The following SERPINB12 variants were observed in gnomAD, a reference collection of about 807,000 sequenced individuals.
The protein encoded by SERPINB12 is serpin B12.
In SERPINB12, 57 loss-of-function variants were observed where a neutral mutation model predicts 41.1. That is an observed-to-expected ratio of 1.39 (90% CI 1.12 to 1.73). SERPINB12 has a LOEUF of 1.73. Among genes scored for constraint, SERPINB12 ranks in the 40% most tolerant of loss-of-function variants. The pLI is 0.00. For synonymous variants in SERPINB12, 180 were observed against 181.3 expected, an observed-to-expected ratio of 0.99 and a Z score of 0.06; for missense variants, 536 against 501.9, an observed-to-expected ratio of 1.07 and a Z score of -0.65.
Position 63,556,218 on chromosome 18 carries a change from G to A in SERPINB12, c.59G>A (p.Gly20Asp). ...KFCFDLFQEI[G>D]KDDRHKNIFF... ...TGCTTTGATCTTTTTCAAGAGATAG[G>A]CAAAGATGATCGTCATAAAAACATA... Residue 20 changes from glycine (G) to aspartate (D), a missense_variant, in exon 2 of 8, where the codon GGC becomes GAC. Physicochemically the swap from Gly to Asp is moderately conservative, Grantham distance 94. Coordinates refer to ENST00000382768, the MANE Select transcript of SERPINB12 (RefSeq NM_001307928.2). 6.2e-7 allele frequency: 1 copy of A among 1,613,932 alleles called. No individual in the cohort carries two copies.
intron 2 of SERPINB12, 63 bp downstream of exon 2, chr18:63,556,390 C>A: frequency 6.6e-7 from 1 of 1,505,178 alleles, no homozygotes; most frequent in East Asian, 2.3e-5. Context: ...AAAGTCAGAC[C>A]CTAATCCCAC....
chr18:63,559,760 T>C, intron 4 of SERPINB12, 42 bp downstream of exon 4: 3 of 1,606,416 alleles, frequency 1.9e-6, no homozygotes, highest in Non-Finnish European at 2.6e-6. Flanking sequence ...CCATGTAGCA[T>C]ACTATTTAAA....
intron 1 of SERPINB12, among the ~76,000 whole-genome samples, chr18:63,554,375 T>C (rs940920533): frequency 6.6e-6 from 1 of 152,378 alleles, no homozygotes; most frequent in Middle Eastern, 3.4e-3. Flanking sequence ...ACACATTTTT[T>C]AAAAAGTTAC....
chr18:63,556,665 G>T (rs569818260), intron 2 of SERPINB12, among the ~76,000 whole-genome samples: 72 of 152,190 alleles, frequency 4.7e-4, no homozygotes, highest in African/African-American at 1.6e-3. Context: ...GCGATTTTTA[G>T]TATGTGTATA....
At chr18:63,523,159 G>T in the SERPINB12 span, among the ~76,000 whole-genome samples, 5 of 152,078 alleles carry the variant, frequency 3.3e-5, no homozygotes, top group African/African-American at 1.2e-4. Flanking sequence ...ATGTCAAAAG[G>T]TTCAAAACAC....
chr18:63,538,883 C>T (rs1399062120), upstream of SERPINB12, among the ~76,000 whole-genome samples: 8 of 152,136 alleles, frequency 5.3e-5, no homozygotes, highest in Admixed American at 5.2e-4. Context: ...TTATAACCAT[C>T]CCAGTGTGTA....
rs1910829104 is a variant in SERPINB12 at position 63,559,576 on chromosome 18, A to G, written c.304-2A>G. On this transcript the variant is annotated splice_acceptor_variant, in intron 3 of 7. Transcript: ENST00000382768. LOFTEE classifies it high-confidence loss of function. ...GTCACATTTTGTTTCTTCTTTCCTT[A>G]GGCTGGGTCCTTAAACAATGAGAGC... 3.1e-6 allele frequency: 5 copies of G among 1,613,736 alleles called. No homozygotes were observed. The East Asian group carries it at 1.1e-4, about 36-fold the overall frequency.
At chr18:63,525,159 T>C in the SERPINB12 span, among the ~76,000 whole-genome samples, 6 of 152,226 alleles carry the variant, frequency 3.9e-5, no homozygotes, top group African/African-American at 1.4e-4. Context: ...TTTTTTTCTA[T>C]GTTGTTTCTA....
In SERPINB12 at chr18:63,549,952, C is replaced by T. The variant is rs543072000; in HGVS notation, c.-18-6190C>T. The stretch of plus-strand genomic sequence containing the variant: ...ACTGAAAGAACTGATTTGCACACCA[C>T]TTGTGCCACGTAGTGGTTGGAAGTA... On this transcript the variant is annotated intron_variant, in intron 1 of 7. Transcript: ENST00000382768. 4.6e-5 allele frequency among the ~76,000 whole-genome samples: 7 copies of T among 152,306 alleles called. No individual in the cohort carries two copies. In the East Asian group the frequency reaches 1.3e-3, roughly 29 times the overall value.
the SERPINB12 span, among the ~76,000 whole-genome samples, chr18:63,528,966 GA>G: frequency 2.0e-5 from 3 of 152,154 alleles, no homozygotes; most frequent in African/African-American, 7.2e-5. Context: ...CATCAGGGTA[GA>G]AAAGGCAACT....
intron 1 of SERPINB12, among the ~76,000 whole-genome samples, chr18:63,547,179 C>T (rs1326813443): frequency 6.6e-6 from 1 of 152,134 alleles, no homozygotes; most frequent in African/African-American, 2.4e-5. Flanking sequence ...TCGCTCAGCC[C>T]CAACCACCTG....
intron 3 of SERPINB12, among the ~76,000 whole-genome samples, chr18:63,559,266 G>A (rs1462309780): frequency 5.3e-5 from 8 of 151,728 alleles, no homozygotes; most frequent in Admixed American, 5.3e-4. Flanking sequence ...CACCATGCCT[G>A]GCCTCTTTGA....
At chr18:63,537,654 T>C (rs1910200376), upstream of SERPINB12, among the ~76,000 whole-genome samples, 1 of 152,132 alleles carries the variant, frequency 6.6e-6, no homozygotes. Flanking sequence ...TCTGACTTTC[T>C]AGGGAGGCAA....
At chr18:63,523,642 G>A in the SERPINB12 span, among the ~76,000 whole-genome samples, 1 of 152,188 alleles carries the variant, frequency 6.6e-6, no homozygotes, top group Non-Finnish European at 1.5e-5. Context: ...GCACAATTCG[G>A]ACAGATCAAG....
At chr18:63,532,177 CACAGATATAGGA>C in the SERPINB12 span, among the ~76,000 whole-genome samples, 1 of 152,168 alleles carries the variant, frequency 6.6e-6, no homozygotes, top group Non-Finnish European at 1.5e-5. Context: ...AGACACCCTA[CACAGATATAGGA>C]CACAATCATA....
the SERPINB12 span, among the ~76,000 whole-genome samples, chr18:63,524,123 C>A: frequency 6.7e-6 from 1 of 148,718 alleles, no homozygotes; most frequent in African/African-American, 2.5e-5. Context: ...AAAAGAAAAA[C>A]TTTTTTTTTT....
intron 2 of SERPINB12, among the ~76,000 whole-genome samples, 172 bp downstream of exon 2, chr18:63,556,499 G>C (rs1305190503): frequency 1.3e-5 from 2 of 151,956 alleles, no homozygotes; most frequent in Non-Finnish European, 2.9e-5. Flanking sequence ...CTTCCTCTTC[G>C]ATCCTACCAT....
rs1365754185 is a variant in SERPINB12 at position 63,553,380 on chromosome 18, T to C, written c.-18-2762T>C. Among the ~76,000 whole-genome samples, 4 of 152,168 alleles carry C rather than the reference T, an allele frequency of 2.6e-5. No individual in the cohort carries two copies. In the East Asian group the frequency reaches 7.7e-4, roughly 29 times the overall value. On this transcript the variant is annotated intron_variant, in intron 1 of 7. Coordinates refer to ENST00000382768, the MANE Select transcript of SERPINB12 (RefSeq NM_001307928.2). ...TCATTTGGCCTCAGTTTTTTTTATC[T>C]TGAGAAGTAGGGAGTTGGCCTGCAT... is the stretch of plus-strand genomic sequence containing the variant.
rs1910416652 is a variant in SERPINB12, at chr18:63,547,558, A to G, written c.-19+5066A>G. On this transcript the variant is annotated intron_variant, in intron 1 of 7. Coordinates refer to ENST00000382768, the MANE Select transcript of SERPINB12 (RefSeq NM_001307928.2). ...TAGCTTTGTGGGAATTATAGAAATT[A>G]TAAGACATGAAATATTTTTGGAGTA... Among the ~76,000 whole-genome samples, 3 of 152,128 alleles carry G rather than the reference A, an allele frequency of 2.0e-5. No homozygotes were observed. The South Asian group carries it at 6.2e-4, about 31-fold the overall frequency.
Sources: gnomAD v4.1 joint callset for allele counts (sites outside exome capture counted in the v4.1 genomes callset) on GRCh38, gnomAD v4.1.1 for gene constraint, MANE v1.5 for transcripts, NCBI Gene and HGNC (gene_info 2026-07-23, HGNC 2026-07-21) for gene names.